TIAM1: variants seen among roughly 807,000 people sequenced by gnomAD.
TIAM1 encodes the protein rho guanine nucleotide exchange factor TIAM1.
In TIAM1, 65 loss-of-function variants were observed where a neutral mutation model predicts 163.5. That is an observed-to-expected ratio of 0.40 (90% CI 0.33 to 0.49). The LOEUF is 0.49. Ranked by LOEUF, TIAM1 falls within the 20% of genes least tolerant of loss-of-function variation. TIAM1 has a pLI of 0.77. For missense variants in TIAM1, 1,789 were observed against 2,044.7 expected (o/e 0.87, Z 2.41); for synonymous variants, 833 against 810.1 (o/e 1.03, Z -0.48).
chr21:31,245,471 G>C lies in TIAM1; in HGVS notation c.1584+17C>G, dbSNP rs1321894676. ...TCAGAGGTTTGAAATGCCCTGCAAA[G>C]GAAGTGCCCAACAAACCTGAAAAAG... On this transcript the variant is annotated intron_variant, in intron 6 of 27. Coordinates refer to ENST00000541036, the MANE Select transcript of TIAM1 (RefSeq NM_001353694.2). 1 of 1,431,242 alleles carries C rather than the reference G, an allele frequency of 7.0e-7. No individual in the cohort carries two copies. Among genetic ancestry groups the C allele is most frequent in the Non-Finnish European group, 9.3e-7 (1 of 1,078,648 alleles). The allele number at this position is 1,431,242 out of a possible 1,614,324, so 88.7% of individuals were successfully genotyped here.
chr21:31,179,587 A>T (rs898476861), intron 15 of TIAM1, among the ~76,000 whole-genome samples: 1 of 151,082 alleles, frequency 6.6e-6, no homozygotes, highest in Non-Finnish European at 1.5e-5. Context: ...CCAAAATTGC[A>T]GTTTTAATGT....
At chr21:31,149,552 C>T (rs73191654) in intron 19 of TIAM1, among the ~76,000 whole-genome samples, 9,807 of 152,164 alleles carry the variant, frequency 0.064, 420 homozygotes, top group Non-Finnish European at 0.094. Context: ...CCAAAGTCTC[C>T]TTTTTGTGAA....
intron 1 of TIAM1, among the ~76,000 whole-genome samples, chr21:31,542,384 GCCACTGCACT>G (rs1392456063): frequency 6.6e-6 from 1 of 151,062 alleles, no homozygotes; most frequent in Non-Finnish European, 1.5e-5. Context: ...CCGAGACCGC[GCCACTGCACT>G]CCAGCCTGGG....
chr21:31,351,015 GTGT>G (rs2076225287), intron 2 of TIAM1, among the ~76,000 whole-genome samples: 1 of 152,192 alleles, frequency 6.6e-6, no homozygotes, highest in East Asian at 1.9e-4. Context: ...CACTTGTCTT[GTGT>G]TCCCTTCCAC....
rs2086792843 is a variant in TIAM1, at chr21:31,210,706, AGAAAGAAAGAGAAAGAAAGAAAGAGAAAG to A, written c.2218-520_2218-492del. ...AAGAAAAAGAAAGAAAGAAAGAAAGAGAAAGAAAGAGAAAGAAAGAAAGAGAAAGAAGGAAGGAAGGGAGAAAGAAAGAA... is the reference window on the plus strand; with the variant it reads ...AAGAAAAAGAAAGAAAGAAAGAAAGAAAGGAAGGAAGGGAGAAAGAAAGAA... On this transcript the variant is annotated intron_variant, in intron 10 of 27. Transcript: ENST00000541036. Among the ~76,000 whole-genome samples the A allele has an allele frequency of 1.9e-4, 21 of 113,250 alleles. 1 individual carries two copies. Among genetic ancestry groups the A allele is most frequent in the African/African-American group, 1.1e-3 (18 of 16,042 alleles). The allele number at this position is 113,250 out of a possible 152,430, so 74.3% of individuals were successfully genotyped here. A position where few individuals can be genotyped will look rare whatever the true frequency, so the allele number is the denominator to read the frequency against.
intron 16 of TIAM1, 29 bp downstream of exon 16, chr21:31,164,933 C>T (rs2084132601): frequency 6.2e-7 from 1 of 1,606,580 alleles, no homozygotes; most frequent in Admixed American, 1.7e-5. Context: ...TGGTTCAAAG[C>T]ATGGGATGTG....
At chr21:31,382,659 T>C (rs1159096462) in intron 2 of TIAM1, among the ~76,000 whole-genome samples, 3 of 152,210 alleles carry the variant, frequency 2.0e-5, no homozygotes, top group Non-Finnish European at 1.5e-5. Context: ...CTTTTTCTTT[T>C]GACAGTTTAT....
Position 31,120,757 on chromosome 21 carries a change from A to T in TIAM1, c.4387T>A (p.Ser1463Thr). Residue 1463 changes from serine to threonine, a missense_variant, in exon 28 of 28, where the codon TCC (serine) becomes ACC (threonine). Around this residue, in one of 5 missense-constraint regions of TIAM1, gnomAD observed 415 missense variants for 439.2 expected, o/e 0.94. Coordinates refer to ENST00000541036, the MANE Select transcript of TIAM1 (RefSeq NM_001353694.2). The surrounding 1 kb of genome is among the most constrained non-coding windows in gnomAD (Gnocchi z 4.2). ...GACTCTTTCTCCGGGCTGCTTGCGG[A>T]GACGGCATCAGAATCAATGGTAAAC... ...NRFTIDSDAV[S>T]ASSPEKESQQ... 1 of 1,613,986 alleles carries T rather than the reference A, an allele frequency of 6.2e-7. No homozygotes were observed. Among genetic ancestry groups the T allele is most frequent in the Non-Finnish European group, 8.5e-7 (1 of 1,180,010 alleles).
intron 22 of TIAM1, among the ~76,000 whole-genome samples, chr21:31,137,062 A>T (rs2082648615): frequency 6.6e-6 from 1 of 152,232 alleles, no homozygotes; most frequent in Non-Finnish European, 1.5e-5. Context: ...AGACACGATG[A>T]TCCAGAGAGT....
At chr21:31,462,202 C>A (rs1384337783) in intron 2 of TIAM1, among the ~76,000 whole-genome samples, 2 of 152,176 alleles carry the variant, frequency 1.3e-5, no homozygotes, top group African/African-American at 4.8e-5. Context: ...CTCAACTCTG[C>A]TGTTGTAACA....
At chr21:31,421,855 T>G (rs529702578) in intron 2 of TIAM1, among the ~76,000 whole-genome samples, 66 of 152,098 alleles carry the variant, frequency 4.3e-4, no homozygotes, top group African/African-American at 1.6e-3. Flanking sequence ...TCAGGCATGG[T>G]AGTGCACGCC....
intron 8 of TIAM1, among the ~76,000 whole-genome samples, chr21:31,218,901 A>G (rs542626878): frequency 6.6e-6 from 1 of 152,248 alleles, no homozygotes; most frequent in South Asian, 2.1e-4. Context: ...ACCTTACCAG[A>G]CTTGCATCAC....
chr21:31,324,068 G>A (rs1601962886), intron 2 of TIAM1, among the ~76,000 whole-genome samples: 1 of 151,854 alleles, frequency 6.6e-6, no homozygotes, highest in Non-Finnish European at 1.5e-5. Flanking sequence ...AGAATTGGTG[G>A]AGCACAGAGG....
rs955359103 is a variant in TIAM1 at position 31,461,986 on chromosome 21, C to T, written c.-369+1997G>A. ...GCAGCCAGTTTTGATACTTTAAAGC[C>T]ACAGTTTGTGAGCTACAAACTTCAC... On this transcript the variant is annotated intron_variant, in intron 2 of 28. Coordinates refer to the TIAM1 transcript ENST00000286827. Among the ~76,000 whole-genome samples the T allele has an allele frequency of 2.6e-5, 4 of 152,176 alleles. No individual in the cohort carries two copies. The East Asian group carries it at 7.7e-4, about 29-fold the overall frequency.
chr21:31,155,779 G>A (rs1431524955), intron 16 of TIAM1, among the ~76,000 whole-genome samples: 1 of 152,200 alleles, frequency 6.6e-6, no homozygotes, highest in Non-Finnish European at 1.5e-5. Context: ...GGGATTACAG[G>A]CGTGAGCCAC....
chr21:31,309,847 T>C (rs547569046), intron 2 of TIAM1, among the ~76,000 whole-genome samples: 37 of 152,226 alleles, frequency 2.4e-4, no homozygotes, highest in African/African-American at 8.7e-4. Flanking sequence ...TATAAAGACA[T>C]CATCAGGCAA....
chr21:31,310,162 G>C lies in TIAM1; in HGVS notation c.-189+29081C>G, dbSNP rs115254474. On this transcript the variant is annotated intron_variant, in intron 2 of 27. Coordinates refer to ENST00000541036, the MANE Select transcript of TIAM1 (RefSeq NM_001353694.2). Reference sequence around the variant, plus strand: ...GTGGGGGCCACACGCCTGAGTTCAGGCCAGTGAAATGTGGGTGCAAGGAAT... The same window carrying C: ...GTGGGGGCCACACGCCTGAGTTCAGCCCAGTGAAATGTGGGTGCAAGGAAT... Among the ~76,000 whole-genome samples, 267 of 152,290 alleles carry C rather than the reference G, an allele frequency of 1.8e-3. 2 individuals carry two copies. The highest frequency in any genetic ancestry group is 6.2e-3 in the African/African-American group (256 of 41,566).
chr21:31,283,899 A>G (rs953256020), intron 2 of TIAM1, among the ~76,000 whole-genome samples: 1 of 151,800 alleles, frequency 6.6e-6, no homozygotes, highest in Non-Finnish European at 1.5e-5. Flanking sequence ...TCCACCCAAC[A>G]CTCCAAGAGT....
chr21:31,251,740 A>C lies in TIAM1; in HGVS notation c.1411+2T>G, dbSNP rs1341812787. The C allele has an allele frequency of 6.3e-7, 1 of 1,578,102 alleles. No individual in the cohort carries two copies. The highest frequency in any genetic ancestry group is 1.3e-5 in the African/African-American group (1 of 74,364). On this transcript the variant is annotated splice_donor_variant, in intron 5 of 27. Transcript: ENST00000541036. LOFTEE classifies it high-confidence loss of function. ...ACATAGCCGGGGCCCTCCCGCTCTC[A>C]CCTTTCAGGGACACCCAGTAGTGCT... is the stretch of plus-strand genomic sequence containing the variant.
Sources: gnomAD v4.1 joint callset for allele counts (sites outside exome capture counted in the v4.1 genomes callset) on GRCh38, gnomAD v4.1.1 for gene constraint, gnomAD v4.1.1 regional missense constraint, Gnocchi (gnomAD v3.1) non-coding constraint, MANE v1.5 for transcripts, NCBI Gene and HGNC (gene_info 2026-07-23, HGNC 2026-07-21) for gene names.